TLN1: variants seen among roughly 807,000 people sequenced by gnomAD.
The protein encoded by TLN1 is talin-1.
Under a neutral mutation model 292.3 loss-of-function variants are expected in TLN1, and 56 were observed. The observed-to-expected ratio is 0.19, with a 90% CI of 0.15 to 0.24. TLN1 has a LOEUF of 0.24. Among genes scored for constraint, TLN1 ranks in the 10% least tolerant of loss-of-function variants. TLN1 has a pLI of 1.00. For synonymous variants in TLN1, 1,119 were observed against 1,253.7 expected (o/e 0.89, Z 2.27); for missense variants, 2,433 against 3,248.2 (o/e 0.75, Z 6.10).
chr9:35,706,871 T>C lies in TLN1; in HGVS notation c.4985A>G (p.Glu1662Gly). The change falls in exon 38 of 57, where the codon GAA (glutamate) becomes GGA (glycine). Residue 1662 changes from glutamate to glycine, a missense_variant. Transcript: ENST00000314888. The surrounding 1 kb of genome is among the most constrained non-coding windows in gnomAD (Gnocchi z 4.2). ...ACTGTTCAGAGCTGCAATGGCCGTT[T>C]CACACTCCAGCTGCCCTGGAGCCTT... is the stretch of plus-strand genomic sequence containing the variant. ...RDKAPGQLECETAIAALNSCL... is the reference protein window; with the variant it reads ...RDKAPGQLECGTAIAALNSCL... 1.9e-6 allele frequency: 3 copies of C among 1,614,050 alleles called. No homozygotes were observed. The highest frequency in any genetic ancestry group is 2.5e-6 in the Non-Finnish European group (3 of 1,180,022).
At position 35,721,612 on chromosome 9, in the gene TLN1, C is replaced by A. The variant is rs575543842; in HGVS notation, c.1104+36G>T. On this transcript the variant is annotated intron_variant, in intron 10 of 56. Coordinates refer to ENST00000314888, the MANE Select transcript of TLN1 (RefSeq NM_006289.4). ...CTGCAGCTGCCCCTTTAATGAAACT[C>A]CCAAAGCACTTTCTTGTTATAGTCC... 2.9e-5 allele frequency: 47 copies of A among 1,598,660 alleles called. No homozygotes were observed. In the African/African-American group the frequency reaches 3.7e-4, roughly 13 times the overall value.
In TLN1 at chr9:35,704,960, G is replaced by A. The variant is rs1053460524; in HGVS notation, c.5734-145C>T. On this transcript the variant is annotated intron_variant, in intron 43 of 56. Coordinates refer to ENST00000314888, the MANE Select transcript of TLN1 (RefSeq NM_006289.4). The surrounding 1 kb of genome is among the most constrained non-coding windows in gnomAD (Gnocchi z 6.9). Reference sequence around the variant, plus strand: ...GAGAGAAGGTTCCCAGCACAAGGACGTTTCCGGTTGCATATCCTTTAGGCA... The same window carrying A: ...GAGAGAAGGTTCCCAGCACAAGGACATTTCCGGTTGCATATCCTTTAGGCA... 17 of 1,001,670 alleles carry A rather than the reference G, an allele frequency of 1.7e-5. No homozygotes were observed. The highest frequency in any genetic ancestry group is 1.5e-4 in the African/African-American group (9 of 61,332). 62.0% of individuals were successfully genotyped at this position (1,001,670 alleles called of 1,614,324 possible).
Position 35,724,685 on chromosome 9 carries a change from A to G in TLN1, c.398T>C (p.Leu133Pro). Residue 133 changes from leucine (L) to proline (P), a missense_variant, in exon 5 of 57, where the codon CTG becomes CCG. Physicochemically the swap from Leu to Pro is moderately conservative, Grantham distance 98 (BLOSUM62 -3). Around this residue, in one of 7 missense-constraint regions of TLN1, gnomAD observed 155 missense variants for 287.9 expected, o/e 0.54. Transcript: ENST00000314888. The surrounding 1 kb of genome is among the most constrained non-coding windows in gnomAD (Gnocchi z 4.7). ...TATTTCCTCCTTTTTCTCTTCCATCAGCTCTCGAACCAATGAATATTCATC... is the reference window on the plus strand; with the variant it reads ...TATTTCCTCCTTTTTCTCTTCCATCGGCTCTCGAACCAATGAATATTCATC... The part of the protein sequence containing the change: ...NHDEYSLVRE[L>P]MEEKKEEITG... 6.2e-7 allele frequency: 1 copy of G among 1,613,992 alleles called. No individual in the cohort carries two copies. The highest frequency in any genetic ancestry group is 8.5e-7 in the Non-Finnish European group (1 of 1,180,024).
intron 7 of TLN1, 24 bp downstream of exon 7, chr9:35,723,928 G>A: frequency 6.2e-7 from 1 of 1,613,502 alleles, no homozygotes; most frequent in Non-Finnish European, 8.5e-7. Flanking sequence ...GGCCCTGACA[G>A]GGTATAGGAT....
intron 1 of TLN1, among the ~76,000 whole-genome samples, chr9:35,727,430 C>T (rs374773694): frequency 2.0e-5 from 3 of 152,122 alleles, no homozygotes; most frequent in Admixed American, 6.5e-5. Context: ...TCTAGATCAG[C>T]GGTCTGGTAC....
In TLN1 at chr9:35,703,387, G is replaced by T. The variant is rs148898155; in HGVS notation, c.6474+173C>A. On this transcript the variant is annotated intron_variant, in intron 48 of 56. Transcript: ENST00000314888. ...ATGACAAGAGGAGAGGGCTGAGAAG[G>T]CTGGAGGAGGATGGCTACAGAGCAA... 3.3e-5 allele frequency among the ~76,000 whole-genome samples: 5 copies of T among 152,264 alleles called. No individual in the cohort carries two copies. In the East Asian group the frequency reaches 9.7e-4, roughly 29 times the overall value.
Position 35,698,512 on chromosome 9 carries a change from CA to C in TLN1, c.7189-8del. The C allele has an allele frequency of 1.9e-6, 3 of 1,613,552 alleles. No homozygotes were observed. The highest frequency in any genetic ancestry group is 1.1e-5 in the South Asian group (1 of 91,072). On this transcript the variant is annotated splice_region_variant and splice_polypyrimidine_tract_variant and intron_variant, in intron 54 of 56. Transcript: ENST00000314888. This position sits in a 1 kb window ranked among gnomAD's most constrained non-coding sequence, Gnocchi z 5.3. ...CCGCAGCCACCATCCGGGCCTAAAG[CA>C]GGGAGAGTTTGCTTAAAAATATGCC...
At chr9:35,726,979 C>T (rs1825988713) in intron 1 of TLN1, among the ~76,000 whole-genome samples, 1 of 152,236 alleles carries the variant, frequency 6.6e-6, no homozygotes, top group South Asian at 2.1e-4. Flanking sequence ...CTCTGTCTCA[C>T]CCACTTCCCC....
In TLN1 at chr9:35,713,977, C is replaced by T; in HGVS notation, c.3225G>A (p.Lys1075=). 6.2e-7 allele frequency: 1 copy of T among 1,614,154 alleles called. No homozygotes were observed. The highest frequency in any genetic ancestry group is 8.5e-7 in the Non-Finnish European group (1 of 1,180,036). ...CTGTCTCCCCAGGTAAGGGTTTAAG[C>T]TTGCCATCTCGAGCTGCTGCCTTCA... ...QEVKAAARDG[K]LKPLPGETME... The change falls in exon 25 of 57, where the codon AAG becomes AAA. Residue 1075 remains lysine, a synonymous_variant. Coordinates refer to ENST00000314888, the MANE Select transcript of TLN1 (RefSeq NM_006289.4).
rs750414029 is a variant in TLN1, at chr9:35,706,593, T to C, written c.5089-42A>G. 8.7e-6 allele frequency: 14 copies of C among 1,604,744 alleles called. No individual in the cohort carries two copies. The highest frequency in any genetic ancestry group is 6.7e-5 in the East Asian group (3 of 44,820). On this transcript the variant is annotated intron_variant, in intron 38 of 56. Transcript: ENST00000314888. The surrounding 1 kb of genome is among the most constrained non-coding windows in gnomAD (Gnocchi z 4.2). ...CATTAGCCCTGATGGTGACCTGCAA[T>C]AGGACCCTCTGGCTACAAAGAACTG...
chr9:35,716,493 T>C lies in TLN1; in HGVS notation c.2522A>G (p.Lys841Arg). 1 of 1,614,246 alleles carries C rather than the reference T, an allele frequency of 6.2e-7. No homozygotes were observed. The highest frequency in any genetic ancestry group is 8.5e-7 in the Non-Finnish European group (1 of 1,180,048). ...ATCACTTTCCCCCTCAGCATCAGCCTTGATGGCATTGACCAGGTCAGATGT... is the reference window on the plus strand; with the variant it reads ...ATCACTTTCCCCCTCAGCATCAGCCCTGATGGCATTGACCAGGTCAGATGT... Reference protein sequence around the residue: ...QATSDLVNAIKADAEGESDLE... With the variant: ...QATSDLVNAIRADAEGESDLE... The change falls in exon 20 of 57, where the codon AAG becomes AGG. Residue 841 changes from lysine to arginine, a missense_variant. Lys to Arg is a conservative substitution (Grantham distance 26). Coordinates refer to ENST00000314888, the MANE Select transcript of TLN1 (RefSeq NM_006289.4).
Position 35,717,744 on chromosome 9 carries a change from C to T in TLN1, c.2038G>A (p.Ala680Thr). 1 of 1,610,664 alleles carries T rather than the reference C, an allele frequency of 6.2e-7. No homozygotes were observed. Among genetic ancestry groups the T allele is most frequent in the Non-Finnish European group, 8.5e-7 (1 of 1,177,394 alleles). Residue 680 changes from alanine (A) to threonine (T), a missense_variant, in exon 18 of 57, where the codon GCT (alanine) becomes ACT (threonine). By Grantham distance (58) the Ala-to-Thr change is moderately conservative. Coordinates refer to ENST00000314888, the MANE Select transcript of TLN1 (RefSeq NM_006289.4). The surrounding 1 kb of genome is among the most constrained non-coding windows in gnomAD (Gnocchi z 4.7). ...QLAKAVASAA[A>T]ALVLKAKSVA... ...CTCTTGGCCTTGAGGACCAGGGCAG[C>T]TGCAGCACTTGCCACAGCTTTGGCG...
In TLN1 at chr9:35,724,669, C is replaced by T. The variant is rs766705590; in HGVS notation, c.414G>A (p.Lys138=). Residue 138 remains lysine, a synonymous_variant, in exon 5 of 57, where the codon AAG becomes AAA. Coordinates refer to ENST00000314888, the MANE Select transcript of TLN1 (RefSeq NM_006289.4). This position sits in a 1 kb window ranked among gnomAD's most constrained non-coding sequence, Gnocchi z 4.7. The part of the protein sequence containing the change: ...SLVRELMEEK[K]EEITGTLRKD... ...TTCTTAAGGTCCCTGTTATTTCCTC[C>T]TTTTTCTCTTCCATCAGCTCTCGAA... 6.2e-7 allele frequency: 1 copy of T among 1,614,172 alleles called. No homozygotes were observed. Among genetic ancestry groups the T allele is most frequent in the South Asian group, 1.1e-5 (1 of 91,078 alleles).
rs1287560935 is a variant in TLN1, at chr9:35,724,957, G to A, written c.231C>T (p.Asp77=). ...TCTGTTTCTTCCTGTACTCCATAGT[G>A]TCCTGTTAGGGCAGGAAGAAGAGAC... ...ALDYYMLRNG[D]TMEYRKKQRP... The change falls in exon 4 of 57, where the codon GAC becomes GAT. Residue 77 remains aspartate (D), a splice_region_variant and synonymous_variant. Coordinates refer to ENST00000314888, the MANE Select transcript of TLN1 (RefSeq NM_006289.4). The surrounding 1 kb of genome is among the most constrained non-coding windows in gnomAD (Gnocchi z 4.7). The A allele has an allele frequency of 6.2e-7, 1 of 1,614,118 alleles. No homozygotes were observed. Among genetic ancestry groups the A allele is most frequent in the Middle Eastern group, 1.7e-4 (1 of 5,978 alleles).
At chr9:35,715,371 CA>C (rs1825758916) in intron 20 of TLN1, among the ~76,000 whole-genome samples, 184 bp from the exon 21 acceptor site, 1 of 152,256 alleles carries the variant, frequency 6.6e-6, no homozygotes, top group African/African-American at 2.4e-5. Flanking sequence ...TGGGAAACCT[CA>C]GGGGGCTAGG....
Position 35,714,168 on chromosome 9 carries a change from T to C in TLN1, c.3120+71A>G, listed in dbSNP as rs968171523. ...TTACACAATTATCTGCGTATTGGGT[T>C]ATTCTGCACAGATTTCCTCTCATCA... On this transcript the variant is annotated intron_variant, in intron 24 of 56. Transcript: ENST00000314888. The surrounding 1 kb of genome is among the most constrained non-coding windows in gnomAD (Gnocchi z 4.6). The C allele has an allele frequency of 3.2e-5, 51 of 1,598,404 alleles. No individual in the cohort carries two copies. The highest frequency in any genetic ancestry group is 3.3e-4 in the Middle Eastern group (2 of 6,022).
chr9:35,729,039 T>C (rs995126327), intron 1 of TLN1, among the ~76,000 whole-genome samples: 1 of 143,536 alleles, frequency 7.0e-6, no homozygotes, highest in African/African-American at 2.6e-5. Context: ...AAAATAGAGA[T>C]AATAAAAAAC....
intron 33 of TLN1, among the ~76,000 whole-genome samples, chr9:35,709,659 C>A (rs375519749): frequency 6.6e-6 from 1 of 151,292 alleles, no homozygotes; most frequent in South Asian, 2.1e-4. Context: ...GAGGTCGAGA[C>A]GGGCGGATCA....
chr9:35,713,633 G>A (rs1233507072), intron 25 of TLN1, among the ~76,000 whole-genome samples: 5 of 151,968 alleles, frequency 3.3e-5, no homozygotes, highest in African/African-American at 4.8e-5. Flanking sequence ...GCAGTGAGCT[G>A]AGATTGCACA....
Sources: allele counts gnomAD v4.1 joint callset (sites outside exome capture counted in the v4.1 genomes callset), GRCh38; gene constraint gnomAD v4.1.1; regional missense constraint gnomAD v4.1.1; non-coding constraint Gnocchi (gnomAD v3.1); transcripts MANE v1.5; gene names NCBI Gene and HGNC (gene_info 2026-07-23, HGNC 2026-07-21).